PCDHA12: variants seen among roughly 807,000 people sequenced by gnomAD.
PCDHA12 encodes protocadherin alpha 12, also known as protocadherin alpha-12.
In PCDHA12, 44 loss-of-function variants were observed where a neutral mutation model predicts 60.0. That is an observed-to-expected ratio of 0.73 (90% CI 0.58 to 0.94). The LOEUF (loss-of-function observed/expected upper bound fraction) is 0.94. Ranked by LOEUF, PCDHA12 falls within the 40% of genes least tolerant of loss-of-function variation. The probability of loss-of-function intolerance (pLI) is 0.00; values close to 1 mark genes in which losing one functional copy is unlikely to be tolerated. For missense variants in PCDHA12, 1,276 were observed against 1,239.7 expected, an observed-to-expected ratio of 1.03 and a Z score of -0.44; for synonymous variants, 569 against 553.0, an observed-to-expected ratio of 1.03 and a Z score of -0.40.
In PCDHA12 at chr5:140,877,507, T is replaced by G; in HGVS notation, c.2035T>G (p.Ser679Ala). ...GGAGAACGGCCAGGCCCCAAAGACG[T>G]CGTCGCGGGCCTCAGTGGGCGCTGT... is the stretch of plus-strand genomic sequence containing the variant. ...LVENGQAPKT[S>A]SRASVGAVDP... is the part of the protein sequence containing the mutation. The change falls in exon 1 of 4, where the codon TCG becomes GCG. Residue 679 changes from serine to alanine, a missense_variant. Transcript: ENST00000398631. 6.2e-7 allele frequency: 1 copy of G among 1,613,744 alleles called. No homozygotes were observed. Among genetic ancestry groups the G allele is most frequent in the Non-Finnish European group, 8.5e-7 (1 of 1,179,850 alleles).
chr5:140,958,911 G>C (rs1458386566), intron 1 of PCDHA12, among the ~76,000 whole-genome samples: 3 of 151,406 alleles, frequency 2.0e-5, no homozygotes, highest in African/African-American at 7.3e-5. Flanking sequence ...AGAAAAGTCT[G>C]CCTGGGTGTG....
intron 1 of PCDHA12, among the ~76,000 whole-genome samples, chr5:140,937,615 T>TCAAAAAAAAAAAAAAAAAAAAAAAA (rs1472779704): frequency 5.3e-5 from 8 of 149,546 alleles, no homozygotes; most frequent in African/African-American, 2.0e-4. Context: ...ATACTCCATC[T>TCAAAAAAAAAAAAAAAAAAAAAAAA]AAAAAGAAAA....
chr5:140,966,707 A>C, intron 1 of PCDHA12: 1 of 1,379,868 alleles, frequency 7.2e-7, no homozygotes, highest in Non-Finnish European at 9.3e-7. Context: ...GGCGTGGGGC[A>C]CGGCTGGGGA....
intron 1 of PCDHA12, among the ~76,000 whole-genome samples, chr5:140,954,129 G>T (rs1206426573): frequency 6.6e-6 from 1 of 152,160 alleles, no homozygotes; most frequent in Non-Finnish European, 1.5e-5. Context: ...CCTTTTTATG[G>T]ATGCATAGTA....
intron 3 of PCDHA12, among the ~76,000 whole-genome samples, chr5:141,008,228 T>C (rs2098365726): frequency 1.3e-5 from 2 of 152,210 alleles, no homozygotes; most frequent in African/African-American, 4.8e-5. Context: ...GTTAGAAAAT[T>C]ACTGCTCAGG....
chr5:140,958,079 T>C (rs182718226), intron 1 of PCDHA12, among the ~76,000 whole-genome samples: 1 of 152,202 alleles, frequency 6.6e-6, no homozygotes, highest in East Asian at 1.9e-4. Context: ...AAGCAAAAAG[T>C]AAAGTTGTAC....
In PCDHA12 at chr5:140,875,574, C is replaced by T. The variant is rs368911944; in HGVS notation, c.102C>T (p.Ser34=). Residue 34 remains serine, a synonymous_variant, in exon 1 of 4, where the codon TCC becomes TCT. Coordinates refer to ENST00000398631, the MANE Select transcript of PCDHA12 (RefSeq NM_018903.4). ...WEVGSGQLHY[S]VYEEAKHGTF... is the part of the protein sequence containing the mutation. ...TGGGGAGCGGCCAGCTCCACTACTC[C>T]GTCTACGAGGAGGCCAAACACGGCA... 7 of 1,613,978 alleles carry T rather than the reference C, an allele frequency of 4.3e-6. No homozygotes were observed. The African/African-American group carries it at 9.3e-5, about 22-fold the overall frequency.
chr5:140,887,224 G>A (rs1554182948), intron 1 of PCDHA12, among the ~76,000 whole-genome samples: 1 of 151,812 alleles, frequency 6.6e-6, no homozygotes, highest in Non-Finnish European at 1.5e-5. Context: ...AGCCTCCCGA[G>A]TAGCTGAGAC....
chr5:140,958,265 C>A (rs1010851166), intron 1 of PCDHA12, among the ~76,000 whole-genome samples: 1 of 151,680 alleles, frequency 6.6e-6, no homozygotes, highest in Admixed American at 6.6e-5. Flanking sequence ...TAATTTGGTA[C>A]AAGAAGTATA....
intron 1 of PCDHA12, among the ~76,000 whole-genome samples, chr5:140,923,261 A>C (rs570487869): frequency 6.6e-6 from 1 of 152,322 alleles, no homozygotes; most frequent in East Asian, 1.9e-4. Flanking sequence ...CAACATAGTG[A>C]GACCTTGTCT....
chr5:140,902,530 G>A (rs569387885), intron 1 of PCDHA12, among the ~76,000 whole-genome samples: 11 of 152,144 alleles, frequency 7.2e-5, no homozygotes, highest in African/African-American at 2.7e-4. Flanking sequence ...TTATTATGTT[G>A]AGGTATGTTC....
intron 1 of PCDHA12, chr5:140,926,963 A>G (rs782460460): frequency 1.2e-6 from 2 of 1,605,984 alleles, no homozygotes; most frequent in South Asian, 2.2e-5. Context: ...CAGCTCGAGT[A>G]CTCAGTGCCG....
chr5:140,924,824 G>T (rs782384284), intron 1 of PCDHA12, among the ~76,000 whole-genome samples: 5 of 151,742 alleles, frequency 3.3e-5, no homozygotes, highest in African/African-American at 4.8e-5. Context: ...GAACCTGGGA[G>T]GGGGAGGTTG....
chr5:140,915,281 C>T (rs1554196839), intron 1 of PCDHA12, among the ~76,000 whole-genome samples: 2 of 152,090 alleles, frequency 1.3e-5, no homozygotes, highest in Non-Finnish European at 2.9e-5. Flanking sequence ...TCATCATTTA[C>T]TCTTTCTACT....
intron 3 of PCDHA12, among the ~76,000 whole-genome samples, chr5:141,001,711 A>G (rs1167965864): frequency 1.3e-5 from 2 of 152,222 alleles, no homozygotes; most frequent in South Asian, 2.1e-4. Context: ...GGGGGCGGGG[A>G]AGGAGCTTGA....
chr5:140,950,110 C>A (rs542585854), intron 1 of PCDHA12, among the ~76,000 whole-genome samples: 23 of 151,848 alleles, frequency 1.5e-4, no homozygotes, highest in African/African-American at 5.5e-4. Context: ...AAATCTCATA[C>A]AATACAAAAC....
At chr5:141,003,087 G>A (rs894210434) in intron 3 of PCDHA12, among the ~76,000 whole-genome samples, 4 of 152,198 alleles carry the variant, frequency 2.6e-5, no homozygotes, top group Non-Finnish European at 5.9e-5. Flanking sequence ...AGTTTAACAG[G>A]CCTGGCATTT....
At chr5:140,937,770 G>C (rs1353635012) in intron 1 of PCDHA12, among the ~76,000 whole-genome samples, 3 of 151,876 alleles carry the variant, frequency 2.0e-5, no homozygotes, top group Non-Finnish European at 4.4e-5. Flanking sequence ...AAATTAGTCG[G>C]GCGTGGTGGC....
At chr5:140,982,234 A>C (rs1039012011) in intron 2 of PCDHA12, 1 of 643,856 alleles carries the variant, frequency 1.6e-6, no homozygotes. Flanking sequence ...AAAAAACAGA[A>C]TTGCCATAAA....
Sources: gnomAD v4.1 joint callset for allele counts (sites outside exome capture counted in the v4.1 genomes callset) on GRCh38, gnomAD v4.1.1 for gene constraint, MANE v1.5 for transcripts, NCBI Gene and HGNC (gene_info 2026-07-23, HGNC 2026-07-21) for gene names.